The following IQANK1 variants were observed in gnomAD, a reference collection of about 807,000 sequenced individuals.
The protein encoded by IQANK1 is IQ motif and ankyrin repeat containing 1, also known as IQ motif and ankyrin repeat domain-containing protein 1.
A neutral mutation model predicts 22.6 loss-of-function variants in IQANK1; 30 were observed. The observed-to-expected ratio is 1.33, with a 90% CI of 0.99 to 1.80. IQANK1 has a LOEUF of 1.80. IQANK1 is among the 40% of genes most tolerant of loss of function. The probability of loss-of-function intolerance (pLI) is 0.00; values close to 1 mark genes in which losing one functional copy is unlikely to be tolerated. For synonymous variants in IQANK1, 122 were observed against 99.6 expected, an observed-to-expected ratio of 1.23 and a Z score of -1.34; for missense variants, 275 against 235.2, an observed-to-expected ratio of 1.17 and a Z score of -1.11.
chr8:143,751,664 G>GTGTGTGTGTA (rs370428606), intron 3 of IQANK1, among the ~76,000 whole-genome samples: 1 of 61,550 alleles, frequency 1.6e-5, no homozygotes, highest in Non-Finnish European at 3.7e-5. Context: ...GTGTGTGTGT[G>GTGTGTGTGTA]TATATATATA....
intron 3 of IQANK1, among the ~76,000 whole-genome samples, chr8:143,769,055 T>C (rs1422457771): frequency 1.3e-5 from 2 of 151,980 alleles, no homozygotes; most frequent in Non-Finnish European, 2.9e-5. Context: ...TCTATATGTA[T>C]AATATAAAAA....
chr8:143,742,344 T>C (rs782268060), intron 3 of IQANK1: 6 of 454,044 alleles, frequency 1.3e-5, no homozygotes, highest in Non-Finnish European at 2.7e-5. Context: ...ATCTCCCTGC[T>C]TGGGACTACA....
intron 3 of IQANK1, among the ~76,000 whole-genome samples, chr8:143,761,236 C>T (rs1339707004): frequency 1.3e-5 from 2 of 152,154 alleles, no homozygotes; most frequent in Non-Finnish European, 1.5e-5. Context: ...CCACCCTTTA[C>T]CCCCGGGGCC....
chr8:143,755,561 A>T, intron 3 of IQANK1, among the ~76,000 whole-genome samples: 1 of 152,104 alleles, frequency 6.6e-6, no homozygotes, highest in African/African-American at 2.4e-5. Flanking sequence ...ATGGGGTTTC[A>T]TCATGTTGGC....
At position 143,751,658 on chromosome 8, in the gene IQANK1, G is replaced by GTATA. The variant is rs1325258601; in HGVS notation, c.175+11711_175+11712insATAT. On this transcript the variant is annotated intron_variant, in intron 3 of 13. Transcript: ENST00000527139. ...TGTGTGTGTGTGTGTGTGTGTGTGT[G>GTATA]TGTGTGTATATATATATATAAAATC... Among the ~76,000 whole-genome samples the GTATA allele has an allele frequency of 1.3e-3, 52 of 38,844 alleles. 1 individual carries two copies. The highest frequency in any genetic ancestry group is 2.4e-3 in the African/African-American group (50 of 20,524). 25.5% of individuals were successfully genotyped at this position (38,844 alleles called of 152,430 possible).
chr8:143,787,664 C>A (rs1490075045), intron 7 of IQANK1, among the ~76,000 whole-genome samples: 4 of 152,164 alleles, frequency 2.6e-5, no homozygotes, highest in African/African-American at 7.2e-5. Context: ...ATCCTGCCCC[C>A]GCTCTTTCCC....
intron 3 of IQANK1, among the ~76,000 whole-genome samples, chr8:143,766,013 G>C (rs782665171): frequency 2.0e-5 from 3 of 152,196 alleles, no homozygotes; most frequent in Non-Finnish European, 2.9e-5. Flanking sequence ...GTCTGCTGAC[G>C]TGGGTGTTCT....
At chr8:143,748,761 ATATAT>A (rs1554627577) in intron 3 of IQANK1, among the ~76,000 whole-genome samples, 7 of 105,150 alleles carry the variant, frequency 6.7e-5, no homozygotes, top group African/African-American at 2.0e-4. Context: ...TCATATAAAT[ATATAT>A]AATATATAAA....
intron 3 of IQANK1, among the ~76,000 whole-genome samples, chr8:143,747,498 A>G (rs1294069043): frequency 6.6e-6 from 1 of 152,070 alleles, no homozygotes; most frequent in East Asian, 1.9e-4. Flanking sequence ...TTCAGCGTTT[A>G]TGGCTGTAAG....
chr8:143,742,304 C>CG (rs1401813208), intron 3 of IQANK1: 10 of 445,474 alleles, frequency 2.2e-5, no homozygotes, highest in Admixed American at 7.1e-5. Context: ...AGGTGCCCCC[C>CG]GGGGGCTTCC....
rs1169752076 is a variant in IQANK1, at chr8:143,790,363, C to T, written c.1438C>T (p.Leu480=). 3 of 1,125,598 alleles carry T rather than the reference C, an allele frequency of 2.7e-6. No individual in the cohort carries two copies. Among genetic ancestry groups the T allele is most frequent in the African/African-American group, 3.2e-5 (2 of 61,902 alleles). 69.7% of individuals were successfully genotyped at this position (1,125,598 alleles called of 1,614,324 possible). The change falls in exon 14 of 14, where the codon CTG becomes TTG. Residue 480 remains leucine, a synonymous_variant. Coordinates refer to ENST00000527139, the MANE Select transcript of IQANK1 (RefSeq NM_001381874.1). The part of the protein sequence containing the change: ...LLGALRYGKP[L]VFDLREEDLF... ...CTCATGGGGCAGGTATGGGAAGCCG[C>T]TGGTGTTCGACCTGCGAGAGGAAGA...
chr8:143,786,021 G>C (rs1466340379), intron 7 of IQANK1, among the ~76,000 whole-genome samples: 2 of 152,054 alleles, frequency 1.3e-5, no homozygotes, highest in Admixed American at 1.3e-4. Flanking sequence ...CACCGTGCCT[G>C]GCCTAATTTT....
At chr8:143,743,069 T>C (rs782324841) in intron 3 of IQANK1, 2 of 455,776 alleles carry the variant, frequency 4.4e-6, no homozygotes, top group South Asian at 1.5e-5. Context: ...GTTGCTGCTA[T>C]AGCAGCCACC....
chr8:143,753,667 C>T (rs1227244261), intron 3 of IQANK1, among the ~76,000 whole-genome samples: 1 of 152,058 alleles, frequency 6.6e-6, no homozygotes, highest in African/African-American at 2.4e-5. Context: ...GTTGGCCAGG[C>T]TGTTCTCGAA....
At chr8:143,742,548 A>C (rs1293499237) in intron 3 of IQANK1, 1 of 455,974 alleles carries the variant, frequency 2.2e-6, no homozygotes, top group Non-Finnish European at 4.4e-6. Flanking sequence ...ACCACGCAAT[A>C]GATGGCTGCT....
chr8:143,737,594 C>T (rs1165311436), intron 2 of IQANK1, among the ~76,000 whole-genome samples: 1 of 152,196 alleles, frequency 6.6e-6, no homozygotes, highest in Non-Finnish European at 1.5e-5. Context: ...GCAGTGGCCA[C>T]CGCACCAACA....
Position 143,789,794 on chromosome 8 carries a change from C to A in IQANK1, c.1120C>A (p.Leu374Met). The A allele has an allele frequency of 8.1e-7, 1 of 1,232,142 alleles. No homozygotes were observed. Among genetic ancestry groups the A allele is most frequent in the Non-Finnish European group, 1.0e-6 (1 of 988,102 alleles). The allele number at this position is 1,232,142 out of a possible 1,614,324, so 76.3% of individuals were successfully genotyped here. Reference sequence around the variant, plus strand: ...GGACACAGAGGCCCAGGTGGACAGGCTGCGGCAGGAGGCCCAGAAGGCCGA... The same window carrying A: ...GGACACAGAGGCCCAGGTGGACAGGATGCGGCAGGAGGCCCAGAAGGCCGA... ...IKDTEAQVDR[L>M]RQEAQKAEEA... The change falls in exon 11 of 14, where the codon CTG becomes ATG. Residue 374 changes from leucine (L) to methionine (M), a missense_variant. Coordinates refer to ENST00000527139, the MANE Select transcript of IQANK1 (RefSeq NM_001381874.1).
chr8:143,750,968 T>TGTG (rs560433368), intron 3 of IQANK1, among the ~76,000 whole-genome samples: 3,965 of 113,036 alleles, frequency 0.035, 71 homozygotes, highest in Non-Finnish European at 0.054. Flanking sequence ...GTGTGTGTGT[T>TGTG]TTTTTGTAGT....
chr8:143,749,737 G>T (rs1313628653), intron 3 of IQANK1, among the ~76,000 whole-genome samples: 1 of 149,448 alleles, frequency 6.7e-6, no homozygotes, highest in Non-Finnish European at 1.5e-5. Flanking sequence ...TAATTTTTGT[G>T]TTTTTTGTGG....
Sources: gnomAD v4.1 joint callset for allele counts (sites outside exome capture counted in the v4.1 genomes callset) on GRCh38, gnomAD v4.1.1 for gene constraint, MANE v1.5 for transcripts, NCBI Gene and HGNC (gene_info 2026-07-23, HGNC 2026-07-21) for gene names.